ADD2: variants seen among roughly 807,000 people sequenced by gnomAD.
The protein encoded by ADD2 is adducin 2, also known as beta-adducin.
Under a neutral mutation model 83.0 loss-of-function variants are expected in ADD2, and 23 were observed. The observed-to-expected ratio is 0.28, with a 90% CI of 0.20 to 0.39. The LOEUF (loss-of-function observed/expected upper bound fraction) is 0.39, where lower values mean the gene tolerates loss of function less well. Among genes scored for constraint, ADD2 ranks in the 10% least tolerant of loss-of-function variants. The pLI is 1.00. For synonymous variants in ADD2, 375 were observed against 375.4 expected (o/e 1.00, Z 0.01); for missense variants, 758 against 944.9 (o/e 0.80, Z 2.59).
chr2:70,713,943 G>A (rs1447299390), intron 1 of ADD2, among the ~76,000 whole-genome samples: 1 of 152,012 alleles, frequency 6.6e-6, no homozygotes, highest in Non-Finnish European at 1.5e-5. Flanking sequence ...CCAGGAAAAT[G>A]GGAGAGTTTT....
intron 1 of ADD2, among the ~76,000 whole-genome samples, chr2:70,722,895 G>A (rs1320191612): frequency 6.6e-6 from 1 of 152,236 alleles, no homozygotes; most frequent in Non-Finnish European, 1.5e-5. Flanking sequence ...ATAGTACAGA[G>A]TAGGTGCTCG....
At chr2:70,667,950 TAGA>T (rs765654649) in intron 15 of ADD2, among the ~76,000 whole-genome samples, 5 of 152,160 alleles carry the variant, frequency 3.3e-5, no homozygotes, top group Non-Finnish European at 5.9e-5. Context: ...AGTCGGAATA[TAGA>T]AGATCTGCCC....
At chr2:70,709,332 A>G (rs1234309654) in intron 2 of ADD2, among the ~76,000 whole-genome samples, 3 of 152,146 alleles carry the variant, frequency 2.0e-5, no homozygotes, top group Non-Finnish European at 2.9e-5. Context: ...AGCCAAAAAA[A>G]AAAAAAAAGA....
intron 1 of ADD2, among the ~76,000 whole-genome samples, chr2:70,755,433 A>G (rs1574327474): frequency 6.6e-6 from 1 of 152,240 alleles, no homozygotes. Flanking sequence ...AAATGAGTTT[A>G]TCTTCTGCAT....
chr2:70,735,058 C>T (rs1011557082), intron 1 of ADD2, among the ~76,000 whole-genome samples: 22 of 152,078 alleles, frequency 1.4e-4, no homozygotes, highest in African/African-American at 4.8e-4. Context: ...ACTGTTATCT[C>T]GAAAATTTCA....
intron 1 of ADD2, among the ~76,000 whole-genome samples, chr2:70,763,671 T>C (rs899986922): frequency 3.9e-5 from 6 of 151,972 alleles, no homozygotes; most frequent in Non-Finnish European, 8.8e-5. Context: ...AATTAATTTA[T>C]TGCAATAGGT....
At chr2:70,677,659 A>T in intron 12 of ADD2, 99 bp downstream of exon 12, 6 of 1,481,806 alleles carry the variant, frequency 4.0e-6, no homozygotes, top group Non-Finnish European at 5.6e-6. Flanking sequence ...GTGAGATGTC[A>T]GCGAGTCAGG....
intron 1 of ADD2, among the ~76,000 whole-genome samples, chr2:70,746,651 G>A (rs1003547403): frequency 2.0e-5 from 3 of 152,190 alleles, no homozygotes; most frequent in Non-Finnish European, 4.4e-5. Context: ...ACTGGGCCGG[G>A]AGGGAAAACA....
chr2:70,694,907 C>G (rs1671233928), intron 6 of ADD2, among the ~76,000 whole-genome samples: 1 of 151,972 alleles, frequency 6.6e-6, no homozygotes, highest in Admixed American at 6.5e-5. Flanking sequence ...CCTGTGTCAT[C>G]CTTTTCTCTG....
intron 15 of ADD2, among the ~76,000 whole-genome samples, chr2:70,669,447 C>T (rs559197037): frequency 2.6e-5 from 4 of 152,300 alleles, no homozygotes; most frequent in East Asian, 1.9e-4. Context: ...CGTTTACTTA[C>T]CCCCAAAAAC....
intron 1 of ADD2, among the ~76,000 whole-genome samples, chr2:70,745,447 G>A (rs1185665581): frequency 6.6e-6 from 1 of 152,192 alleles, no homozygotes; most frequent in Non-Finnish European, 1.5e-5. Flanking sequence ...GTTAAGATGT[G>A]AGAGGAGGGC....
At chr2:70,683,908 T>C in intron 9 of ADD2, 141 bp from the exon 10 acceptor site, 3 of 832,728 alleles carry the variant, frequency 3.6e-6, no homozygotes, top group South Asian at 5.8e-5. Context: ...CCATACTTGA[T>C]GGGCATGCCC....
intron 4 of ADD2, among the ~76,000 whole-genome samples, chr2:70,698,507 A>G (rs1671422275): frequency 6.6e-6 from 1 of 152,236 alleles, no homozygotes; most frequent in Non-Finnish European, 1.5e-5. Flanking sequence ...TTGAAAGTAC[A>G]ATAGGGCAAC....
chr2:70,682,961 G>T (rs782664425), intron 10 of ADD2, among the ~76,000 whole-genome samples: 30 of 151,872 alleles, frequency 2.0e-4, no homozygotes, highest in South Asian at 2.1e-4. Context: ...CTATATAAGA[G>T]GTATGAGCAA....
chr2:70,730,796 ATACT>A (rs1260306678), intron 1 of ADD2, among the ~76,000 whole-genome samples: 2 of 152,204 alleles, frequency 1.3e-5, no homozygotes, highest in Admixed American at 6.5e-5. Flanking sequence ...AGATACACAA[ATACT>A]TACCATTGTG....
chr2:70,700,854 T>C (rs190960970), intron 4 of ADD2, among the ~76,000 whole-genome samples: 2 of 152,074 alleles, frequency 1.3e-5, no homozygotes, highest in Non-Finnish European at 2.9e-5. Flanking sequence ...ACAAAATATA[T>C]GACGAAAATT....
intron 14 of ADD2, chr2:70,673,381 T>A (rs782759424): frequency 1.3e-5 from 20 of 1,527,788 alleles, no homozygotes; most frequent in Non-Finnish European, 9.1e-7. Flanking sequence ...CATCAACGGG[T>A]AAGAGGTGGA....
intron 1 of ADD2, among the ~76,000 whole-genome samples, chr2:70,739,672 A>G (rs1673775375): frequency 6.6e-6 from 1 of 152,268 alleles, no homozygotes; most frequent in South Asian, 2.1e-4. Flanking sequence ...TATATACACC[A>G]TGGAATACTA....
At chr2:70,746,625 G>T (rs1574317004) in intron 1 of ADD2, among the ~76,000 whole-genome samples, 1 of 152,164 alleles carries the variant, frequency 6.6e-6, no homozygotes, top group Non-Finnish European at 1.5e-5. Flanking sequence ...TCCCCAATAG[G>T]GTAGGATGGG....
Sources: allele counts gnomAD v4.1 joint callset (sites outside exome capture counted in the v4.1 genomes callset), GRCh38; gene constraint gnomAD v4.1.1; transcripts MANE v1.5; gene names NCBI Gene and HGNC (gene_info 2026-07-23, HGNC 2026-07-21).